Variants in TEX2 observed in about 807,000 individuals in gnomAD.
TEX2 encodes the protein testis expressed 2, also known as testis-expressed protein 2.
TEX2 carries 53 observed loss-of-function variants against 106.9 expected under a neutral mutation model. The observed-to-expected ratio is 0.50, with a 90% CI of 0.40 to 0.62. The LOEUF (loss-of-function observed/expected upper bound fraction) is 0.62, where lower values mean the gene tolerates loss of function less well. TEX2 is among the 20% of genes least tolerant of loss of function. TEX2 has a pLI of 0.00. For missense variants in TEX2, 1,207 were observed against 1,379.0 expected (o/e 0.88, Z 1.98); for synonymous variants, 523 against 534.8 (o/e 0.98, Z 0.30).
chr17:64,260,711 C>T (rs1329462015), intron 1 of TEX2, among the ~76,000 whole-genome samples: 1 of 152,288 alleles, frequency 6.6e-6, no homozygotes, highest in Non-Finnish European at 1.5e-5. Context: ...CTATACTAGT[C>T]TTCTGCCTTG....
chr17:64,190,495 C>A (rs1598160073), intron 4 of TEX2, among the ~76,000 whole-genome samples: 1 of 152,180 alleles, frequency 6.6e-6, no homozygotes, highest in Non-Finnish European at 1.5e-5. Context: ...AGGAAAGGAA[C>A]CCCCTACGAG....
At chr17:64,149,541 AG>A (rs1820438160) in intron 11 of TEX2, 1 of 153,688 alleles carries the variant, frequency 6.5e-6, no homozygotes, top group African/African-American at 2.4e-5. Context: ...GTACTTTGGG[AG>A]GCCAAGGCAG....
chr17:64,168,297 G>A (rs1052770648), intron 7 of TEX2, among the ~76,000 whole-genome samples: 1 of 152,074 alleles, frequency 6.6e-6, no homozygotes, highest in African/African-American at 2.4e-5. Context: ...TTGTGGACTT[G>A]GAAAAACCTG....
intron 1 of TEX2, among the ~76,000 whole-genome samples, chr17:64,246,867 T>A (rs1167718105): frequency 1.3e-5 from 2 of 152,236 alleles, no homozygotes; most frequent in African/African-American, 4.8e-5. Flanking sequence ...ACCAGCCTCC[T>A]GGTGCTGTGT....
chr17:64,240,233 ATGTGTGTGTGTG>A (rs67965706), intron 1 of TEX2, among the ~76,000 whole-genome samples: 2 of 147,318 alleles, frequency 1.4e-5, no homozygotes, highest in Non-Finnish European at 3.0e-5. Flanking sequence ...GTATATGCAG[ATGTGTGTGTGTG>A]TGTGTGTGTG....
Position 64,187,073 on chromosome 17 carries a change from G to A in TEX2, c.2424+1095C>T, listed in dbSNP as rs141376100. On this transcript the variant is annotated intron_variant, in intron 5 of 11. Transcript: ENST00000584379. The stretch of plus-strand genomic sequence containing the variant: ...AACTTCATCAAGCCTCAGTTTCTCC[G>A]CTTACAAAATGGAGACAATCCTGTC... 7.2e-5 allele frequency among the ~76,000 whole-genome samples: 11 copies of A among 152,268 alleles called. No homozygotes were observed. In the East Asian group the frequency reaches 1.7e-3, roughly 24 times the overall value.
intron 6 of TEX2, among the ~76,000 whole-genome samples, chr17:64,176,351 TCA>T (rs2031616089): frequency 1.3e-5 from 2 of 152,194 alleles, no homozygotes; most frequent in African/African-American, 2.4e-5. Context: ...TTACCGTAGT[TCA>T]CAGTTTCTTA....
At chr17:64,192,150 C>T (rs937286117) in intron 4 of TEX2, among the ~76,000 whole-genome samples, 1 of 152,170 alleles carries the variant, frequency 6.6e-6, no homozygotes, top group African/African-American at 2.4e-5. Context: ...GGAGTTCTTA[C>T]CCACTTGAAT....
At chr17:64,211,049 C>T (rs2143043429) in intron 2 of TEX2, among the ~76,000 whole-genome samples, 1 of 152,252 alleles carries the variant, frequency 6.6e-6, no homozygotes, top group African/African-American at 2.4e-5. Context: ...GCAGCCTCAG[C>T]CCCCAGGCCC....
intron 5 of TEX2, among the ~76,000 whole-genome samples, chr17:64,179,417 C>T (rs1040896862): frequency 4.9e-4 from 75 of 152,328 alleles, no homozygotes; most frequent in African/African-American, 1.7e-3. Flanking sequence ...GCCACCCTAG[C>T]CAGCAGCAGC....
intron 2 of TEX2, among the ~76,000 whole-genome samples, chr17:64,198,845 G>GA (rs1439009094): frequency 2.0e-5 from 3 of 151,404 alleles, no homozygotes; most frequent in Non-Finnish European, 4.4e-5. Flanking sequence ...CACCAAATGA[G>GA]AAAAAAAGGA....
intron 1 of TEX2, among the ~76,000 whole-genome samples, chr17:64,254,335 G>A (rs78208099): frequency 0.06 from 9,197 of 152,226 alleles, 389 homozygotes; most frequent in Non-Finnish European, 0.086. Flanking sequence ...ACCTACATGC[G>A]ACTTGTGCCC....
Position 64,152,964 on chromosome 17 carries a change from G to T in TEX2, c.3121C>A (p.Pro1041Thr), listed in dbSNP as rs756564233. The change falls in exon 10 of 12, where the codon CCC (proline) becomes ACC (threonine). Residue 1041 changes from proline (P) to threonine (T), a missense_variant. Pro to Thr is a conservative substitution (Grantham distance 38, BLOSUM62 -1). Coordinates refer to ENST00000584379, the MANE Select transcript of TEX2 (RefSeq NM_001288732.2). ...RGTLAVNIPP[P>T]PTDRVWYGFR... ...ACGCACCATACTCGGTCAGTCGGGG[G>T]TGGTGGAATGTTGACCGCCAAGGTT... 2 of 1,614,184 alleles carry T rather than the reference G, an allele frequency of 1.2e-6. No homozygotes were observed. Among genetic ancestry groups the T allele is most frequent in the South Asian group, 1.1e-5 (1 of 91,068 alleles).
intron 5 of TEX2, among the ~76,000 whole-genome samples, chr17:64,183,054 C>T (rs762719253): frequency 6.6e-6 from 1 of 151,904 alleles, no homozygotes; most frequent in African/African-American, 2.4e-5. Context: ...TACAGGCGTG[C>T]ACTACTACGC....
intron 11 of TEX2, chr17:64,149,908 ACT>A (rs1451409211): frequency 1.4e-5 from 2 of 143,488 alleles, no homozygotes; most frequent in Non-Finnish European, 3.0e-5. Flanking sequence ...ACACAGCAAG[ACT>A]CTGTCTTAAA....
chr17:64,195,594 C>A lies in TEX2; in HGVS notation c.1645-499G>T, dbSNP rs766020241. 1.3e-5 allele frequency among the ~76,000 whole-genome samples: 2 copies of A among 152,286 alleles called. No individual in the cohort carries two copies. The highest frequency in any genetic ancestry group is 2.4e-5 in the African/African-American group (1 of 41,564). ...TTCTGTTGCACTACAATATGTACCT[C>A]ATTGAAACCATGCAGTAAAGCAGAT... On this transcript the variant is annotated intron_variant, in intron 2 of 11. Coordinates refer to ENST00000584379, the MANE Select transcript of TEX2 (RefSeq NM_001288732.2). The surrounding 1 kb of genome is among the most constrained non-coding windows in gnomAD (Gnocchi z 4.1).
intron 7 of TEX2, among the ~76,000 whole-genome samples, chr17:64,164,581 C>T (rs557581719): frequency 4.6e-5 from 7 of 152,288 alleles, no homozygotes; most frequent in Non-Finnish European, 2.9e-5. Context: ...CCACTACCAC[C>T]ACTACACAGA....
intron 2 of TEX2, among the ~76,000 whole-genome samples, chr17:64,209,436 T>C (rs938075028): frequency 7.9e-5 from 12 of 152,160 alleles, no homozygotes; most frequent in Admixed American, 3.3e-4. Context: ...TCTTTAGTAA[T>C]GAAACCATTC....
At chr17:64,179,052 C>T (rs1338318021) in intron 5 of TEX2, among the ~76,000 whole-genome samples, 1 of 152,250 alleles carries the variant, frequency 6.6e-6, no homozygotes, top group Non-Finnish European at 1.5e-5. Flanking sequence ...CAGCACACTG[C>T]TCAGTCCCAC....
Sources: allele counts gnomAD v4.1 joint callset (sites outside exome capture counted in the v4.1 genomes callset), GRCh38; gene constraint gnomAD v4.1.1; non-coding constraint Gnocchi (gnomAD v3.1); transcripts MANE v1.5; gene names NCBI Gene and HGNC (gene_info 2026-07-23, HGNC 2026-07-21).